The following APH1A variants were observed in gnomAD, a reference collection of about 807,000 sequenced individuals.
APH1A encodes aph-1A gamma-secretase subunit.
APH1A carries 16 observed loss-of-function variants against 30.3 expected under a neutral mutation model. The observed-to-expected ratio is 0.53, with a 90% CI of 0.36 to 0.80. The LOEUF (loss-of-function observed/expected upper bound fraction) is 0.80, where lower values mean the gene tolerates loss of function less well. APH1A is among the 30% of genes least tolerant of loss of function. The pLI, the probability that APH1A is intolerant of heterozygous loss-of-function variation, is 0.01. For missense variants in APH1A, 245 were observed against 337.8 expected (o/e 0.73, Z 2.15); for synonymous variants, 144 against 140.1 (o/e 1.03, Z -0.20).
chr1:150,266,698 C>G (rs782669246), intron 5 of APH1A, 42 bp from the exon 6 acceptor site: 1 of 1,602,818 alleles, frequency 6.2e-7, no homozygotes, highest in Admixed American at 1.7e-5. Context: ...TAGATTCTCC[C>G]TCGACCTAAT....
Position 150,267,744 on chromosome 1 carries a change from T to A in APH1A, c.330A>T (p.Ser110=), listed in dbSNP as rs1553850231. ...GLASLSEDGR[S]PISIRQMAYV... ...AGGCCATCTGGCGGATGGAGATGGG[T>A]GATCTTCCGTCCTCACTCAGCGATG... is the stretch of plus-strand genomic sequence containing the variant. Residue 110 remains serine (S), a synonymous_variant, in exon 3 of 7, where the codon TCA becomes TCT. Transcript: ENST00000369109. 1 of 1,612,522 alleles carries A rather than the reference T, an allele frequency of 6.2e-7. No homozygotes were observed. Among genetic ancestry groups the A allele is most frequent in the East Asian group, 2.2e-5 (1 of 44,848 alleles).
chr1:150,268,098 A>G lies in APH1A; in HGVS notation c.143T>C (p.Leu48Pro). The change falls in exon 2 of 7, where the codon CTG (leucine) becomes CCG (proline). Residue 48 changes from leucine to proline, a missense_variant. Transcript: ENST00000369109. ...CAAGATGAACCAGACCACAGAGGCC[A>G]GGAGCAGGGAGACCAGCCAGAAAAA... ...GAFFWLVSLLLASVVWFILVH... is the reference protein window; with the variant it reads ...GAFFWLVSLLPASVVWFILVH... The G allele has an allele frequency of 6.2e-7, 1 of 1,614,168 alleles. No individual in the cohort carries two copies. Among genetic ancestry groups the G allele is most frequent in the South Asian group, 1.1e-5 (1 of 91,084 alleles).
chr1:150,267,842 C>G, intron 2 of APH1A, 53 bp from the exon 3 acceptor site: 8 of 1,612,732 alleles, frequency 5.0e-6, no homozygotes, highest in Non-Finnish European at 6.8e-6. Context: ...ATGCTCCTTT[C>G]CCTCTAATGT....
chr1:150,266,460 C>T, intron 6 of APH1A, 73 bp downstream of exon 6: 1 of 1,601,664 alleles, frequency 6.2e-7, no homozygotes, highest in Non-Finnish European at 8.5e-7. Context: ...CGGGCTGGGG[C>T]TGGGCTCAGT....
In APH1A at chr1:150,266,203, G is replaced by C. The variant is rs782497082; in HGVS notation, c.734-9C>G. On this transcript the variant is annotated splice_polypyrimidine_tract_variant and intron_variant, in intron 6 of 6. Coordinates refer to ENST00000369109, the MANE Select transcript of APH1A (RefSeq NM_001077628.3). ...GTCCTCCTGCCGTCGGCCTGCAGAG[G>C]GGAAGGGAGGTGAGTCTTGGGCAGG... The C allele has an allele frequency of 6.3e-7, 1 of 1,595,412 alleles. No homozygotes were observed. The highest frequency in any genetic ancestry group is 1.1e-5 in the South Asian group (1 of 87,850).
chr1:150,267,291 C>T (rs1658256378), intron 4 of APH1A, 65 bp downstream of exon 4: 1 of 1,612,536 alleles, frequency 6.2e-7, no homozygotes, highest in Non-Finnish European at 8.5e-7. Flanking sequence ...TCAGGGAAGG[C>T]CAATAAATCA....
rs1553849584 is a variant in APH1A, at chr1:150,265,863, G to T, written c.*267C>A. On this transcript the variant is annotated 3_prime_UTR_variant, in exon 7 of 7. Coordinates refer to ENST00000369109, the MANE Select transcript of APH1A (RefSeq NM_001077628.3). ...TCCTCCCTCCCCCCACCTCAAAAAA[G>T]AAAAAAAGGCAGTTTAGGGTATTTA... The T allele has an allele frequency of 9.4e-6, 4 of 423,908 alleles. No homozygotes were observed. The highest frequency in any genetic ancestry group is 1.7e-5 in the Non-Finnish European group (4 of 234,134). 26.3% of individuals were successfully genotyped at this position (423,908 alleles called of 1,614,324 possible).
chr1:150,267,983 G>A lies in APH1A; in HGVS notation c.258C>T (p.Phe86=), dbSNP rs782546378. 8.7e-6 allele frequency: 14 copies of A among 1,613,996 alleles called. No homozygotes were observed. The highest frequency in any genetic ancestry group is 1.7e-5 in the Admixed American group (1 of 59,990). ...AAVSVLLQEV[F]RFAYYKLLKK... ...TAAGCAGCTTGTAGTAGGCAAAGCG[G>A]AACACCTCCTGTAGAAGGACAGAGA... is the stretch of plus-strand genomic sequence containing the variant. The change falls in exon 2 of 7, where the codon TTC becomes TTT. Residue 86 remains phenylalanine, a synonymous_variant. Coordinates refer to ENST00000369109, the MANE Select transcript of APH1A (RefSeq NM_001077628.3).
In APH1A at chr1:150,268,067, A is replaced by G; in HGVS notation, c.174T>C (p.His58=). The G allele has an allele frequency of 6.2e-7, 1 of 1,614,186 alleles. No individual in the cohort carries two copies. Among genetic ancestry groups the G allele is most frequent in the Non-Finnish European group, 8.5e-7 (1 of 1,180,024 alleles). ...LASVVWFILV[H]VTDRSDARLQ... Reference sequence around the variant, plus strand: ...GCCGGGCATCTGACCGGTCGGTCACATGGACCAAGATGAACCAGACCACAG... The same window carrying G: ...GCCGGGCATCTGACCGGTCGGTCACGTGGACCAAGATGAACCAGACCACAG... Residue 58 remains histidine, a synonymous_variant, in exon 2 of 7, where the codon CAT becomes CAC. Transcript: ENST00000369109.
In APH1A at chr1:150,266,578, TGAAGGCCCA is replaced by T; in HGVS notation, c.679_687del (p.Trp227_Phe229del). 1 of 1,614,046 alleles carries T rather than the reference TGAAGGCCCA, an allele frequency of 6.2e-7. No individual in the cohort carries two copies. Among genetic ancestry groups the T allele is most frequent in the Non-Finnish European group, 8.5e-7 (1 of 1,179,984 alleles). ...CTTCGGAGGGACCCTCCAGCTGTGATGAAGGCCCAGAGCCCCATGGAAACAGTGACTGCA... is the reference window on the plus strand; with the variant it reads ...CTTCGGAGGGACCCTCCAGCTGTGATGAGCCCCATGGAAACAGTGACTGCA... On this transcript the variant is annotated inframe_deletion, in exon 6 of 7. Coordinates refer to ENST00000369109, the MANE Select transcript of APH1A (RefSeq NM_001077628.3).
Position 150,266,212 on chromosome 1 carries a change from G to A in APH1A, c.734-18C>T, listed in dbSNP as rs1317830856. The A allele has an allele frequency of 1.9e-6, 3 of 1,589,268 alleles. No individual in the cohort carries two copies. The highest frequency in any genetic ancestry group is 1.1e-5 in the South Asian group (1 of 87,238). On this transcript the variant is annotated intron_variant, in intron 6 of 6. Transcript: ENST00000369109. ...CCGTCGGCCTGCAGAGGGGAAGGGAGGTGAGTCTTGGGCAGGGTGAGAGCA... is the reference window on the plus strand; with the variant it reads ...CCGTCGGCCTGCAGAGGGGAAGGGAAGTGAGTCTTGGGCAGGGTGAGAGCA...
chr1:150,267,271 A>G, intron 4 of APH1A, 69 bp from the exon 5 acceptor site: 1 of 1,612,794 alleles, frequency 6.2e-7, no homozygotes, highest in Admixed American at 1.7e-5. Context: ...TGTTGAGCCA[A>G]AGAAGTCTCT....
At position 150,268,817 on chromosome 1, in the gene APH1A, T is replaced by G; in HGVS notation, c.-7A>C. 6.2e-7 allele frequency: 1 copy of G among 1,609,558 alleles called. No homozygotes were observed. The highest frequency in any genetic ancestry group is 8.5e-7 in the Non-Finnish European group (1 of 1,178,084). On this transcript the variant is annotated 5_prime_UTR_variant, in exon 1 of 7. Coordinates refer to ENST00000369109, the MANE Select transcript of APH1A (RefSeq NM_001077628.3). ...AAAACACCGCAGCCCCCATGGCTGG[T>G]CAGGTGGGAAGGGGGGTGGGGGCCT...
intron 5 of APH1A, 94 bp from the exon 6 acceptor site, chr1:150,266,750 T>C: frequency 1.4e-6 from 2 of 1,409,748 alleles, no homozygotes; most frequent in South Asian, 1.4e-5. Flanking sequence ...CAGATATCTC[T>C]CTCAAATTCT....
In APH1A at chr1:150,268,905, AC is replaced by A; in HGVS notation, c.-96del. The A allele has an allele frequency of 9.2e-7, 1 of 1,090,596 alleles. No homozygotes were observed. Among genetic ancestry groups the A allele is most frequent in the Non-Finnish European group, 1.3e-6 (1 of 747,582 alleles). The allele number at this position is 1,090,596 out of a possible 1,614,324, so 67.6% of individuals were successfully genotyped here. A position where few individuals can be genotyped will look rare whatever the true frequency, so the allele number is the denominator to read the frequency against. ...GGAGTCCGCGTGGGGTGGCAACGCG[AC>A]CCCACGAGGGGCGCGGTGCAATGTC... On this transcript the variant is annotated 5_prime_UTR_variant, in exon 1 of 7. Transcript: ENST00000369109.
At chr1:150,266,780 C>T in intron 5 of APH1A, 124 bp from the exon 6 acceptor site, 1 of 1,252,568 alleles carries the variant, frequency 8.0e-7, no homozygotes, top group Non-Finnish European at 1.1e-6. Context: ...CCCTTCAGAG[C>T]ACCAACATCT....
intron 1 of APH1A, chr1:150,268,395 G>A (rs1553850403): frequency 3.4e-6 from 2 of 594,092 alleles, no homozygotes; most frequent in East Asian, 2.9e-5. Flanking sequence ...TCCGTTCCTG[G>A]ATCCTCCCCT....
In APH1A at chr1:150,267,201, G is replaced by A; in HGVS notation, c.483C>T (p.Ala161=). Residue 161 remains alanine (A), a splice_region_variant and synonymous_variant, in exon 5 of 7, where the codon GCC becomes GCT. Coordinates refer to ENST00000369109, the MANE Select transcript of APH1A (RefSeq NM_001077628.3). The part of the protein sequence containing the change: ...GDSPYYFLTS[A]FLTAAIILLH... ...GCAGGATAATGGCTGCTGTCAGAAA[G>A]GCTGCAGGGAGGGAGATGGGGAGGA... The A allele has an allele frequency of 6.2e-7, 1 of 1,614,214 alleles. No homozygotes were observed. The highest frequency in any genetic ancestry group is 8.5e-7 in the Non-Finnish European group (1 of 1,180,046).
Position 150,267,937 on chromosome 1 carries a change from A to T in APH1A, c.284+20T>A. ...GCAGTCCTTTGCCCCTCTCCCCTCC[A>T]GACCACTCCATCTTCTTACTTAAGC... is the stretch of plus-strand genomic sequence containing the variant. On this transcript the variant is annotated intron_variant, in intron 2 of 6. Transcript: ENST00000369109. 2 of 1,613,974 alleles carry T rather than the reference A, an allele frequency of 1.2e-6. No homozygotes were observed. The highest frequency in any genetic ancestry group is 1.7e-6 in the Non-Finnish European group (2 of 1,179,916).
Sources: allele counts gnomAD v4.1 joint callset, GRCh38; gene constraint gnomAD v4.1.1; transcripts MANE v1.5; gene names NCBI Gene and HGNC (gene_info 2026-07-23, HGNC 2026-07-21).